The following SAMD3 variants were observed in gnomAD, a reference collection of about 807,000 sequenced individuals.
The protein encoded by SAMD3 is sterile alpha motif domain containing 3, also known as sterile alpha motif domain-containing protein 3.
In SAMD3, 63 loss-of-function variants were observed where a neutral mutation model predicts 58.5. The ratio of observed to expected loss-of-function variants is 1.08; its 90% CI spans 0.88 to 1.33. SAMD3 has a LOEUF of 1.33. Among genes scored for constraint, SAMD3 ranks in the 40% most tolerant of loss-of-function variants. The pLI, the probability that SAMD3 is intolerant of heterozygous loss-of-function variation, is 0.00. For missense variants in SAMD3, 604 were observed against 608.4 expected, an observed-to-expected ratio of 0.99 and a Z score of 0.08; for synonymous variants, 220 against 210.3, an observed-to-expected ratio of 1.05 and a Z score of -0.40.
rs1273245964 is a variant in SAMD3, at chr6:130,144,809, A to G, written c.1279-5T>C. On this transcript the variant is annotated splice_region_variant and splice_polypyrimidine_tract_variant and intron_variant, in intron 11 of 11. Coordinates refer to ENST00000439090, the MANE Select transcript of SAMD3 (RefSeq NM_001017373.4). ...CACAGGTGTGGACACTTGCACCTGAAAAAAAGAGTGGAGTCATTACCATGA... is the reference window on the plus strand; with the variant it reads ...CACAGGTGTGGACACTTGCACCTGAGAAAAAGAGTGGAGTCATTACCATGA... The G allele has an allele frequency of 6.2e-7, 1 of 1,605,370 alleles. No individual in the cohort carries two copies. The highest frequency in any genetic ancestry group is 8.5e-7 in the Non-Finnish European group (1 of 1,176,586).
chr6:130,235,288 A>T (rs1301602029), intron 2 of SAMD3, among the ~76,000 whole-genome samples: 2 of 152,218 alleles, frequency 1.3e-5, no homozygotes, highest in Non-Finnish European at 2.9e-5. Flanking sequence ...TACTCTCATC[A>T]TTCAACTCTA....
intron 2 of SAMD3, among the ~76,000 whole-genome samples, chr6:130,253,638 T>C (rs1773821268): frequency 6.6e-6 from 1 of 152,170 alleles, no homozygotes; most frequent in South Asian, 2.1e-4. Flanking sequence ...GTTATATGTA[T>C]AATTTTATAT....
intron 2 of SAMD3, among the ~76,000 whole-genome samples, chr6:130,261,077 T>C (rs1006572443): frequency 1.7e-4 from 25 of 151,208 alleles, no homozygotes; most frequent in African/African-American, 5.4e-4. Context: ...CATGCCTTTA[T>C]TGGCACTTTG....
At chr6:130,273,245 T>C (rs945177014) in intron 2 of SAMD3, among the ~76,000 whole-genome samples, 24 of 152,266 alleles carry the variant, frequency 1.6e-4, no homozygotes, top group African/African-American at 4.8e-4. Context: ...AGAGACCTTT[T>C]ATCATTATAT....
At chr6:130,243,831 CACAA>C (rs1483683534) in intron 2 of SAMD3, among the ~76,000 whole-genome samples, 4 of 152,118 alleles carry the variant, frequency 2.6e-5, no homozygotes, top group Admixed American at 6.6e-5. Context: ...ATGCACACAC[CACAA>C]ACACATTATG....
chr6:130,289,562 C>T (rs577737602), intron 2 of SAMD3, among the ~76,000 whole-genome samples: 3 of 152,162 alleles, frequency 2.0e-5, no homozygotes, highest in Non-Finnish European at 4.4e-5. Context: ...TGCAGTGGCA[C>T]GATCTCGGCT....
chr6:130,265,770 GA>G (rs34778014), intron 2 of SAMD3, among the ~76,000 whole-genome samples: 5 of 151,388 alleles, frequency 3.3e-5, no homozygotes, highest in African/African-American at 1.2e-4. Flanking sequence ...AGCCAAAACA[GA>G]AAAAAAAGAG....
intron 2 of SAMD3, among the ~76,000 whole-genome samples, chr6:130,304,323 C>A (rs574002438): frequency 4.6e-5 from 7 of 152,140 alleles, no homozygotes; most frequent in African/African-American, 1.7e-4. Context: ...ACACATGCCA[C>A]CATACCCAGC....
intron 1 of SAMD3, among the ~76,000 whole-genome samples, chr6:130,363,393 C>A (rs927950539): frequency 2.6e-5 from 4 of 152,128 alleles, no homozygotes; most frequent in African/African-American, 9.7e-5. Flanking sequence ...ATATGAATTG[C>A]CATCCATCAG....
chr6:130,210,330 G>C (rs962769656), intron 4 of SAMD3, among the ~76,000 whole-genome samples: 8 of 152,184 alleles, frequency 5.3e-5, no homozygotes, highest in Non-Finnish European at 2.9e-5. Context: ...AGGTGTGGTG[G>C]CTCAACATCT....
At position 130,145,880 on chromosome 6, in the gene SAMD3, A is replaced by G. The variant is rs2114539806; in HGVS notation, c.1195+130T>C. ...ATATATTTTAGTAATGTAAATTTTT[A>G]ATTTTTAAATATATTTTTAAAACTC... On this transcript the variant is annotated intron_variant, in intron 10 of 11. Coordinates refer to ENST00000439090, the MANE Select transcript of SAMD3 (RefSeq NM_001017373.4). 1.2e-5 allele frequency: 4 copies of G among 345,852 alleles called. No individual in the cohort carries two copies. In the East Asian group the frequency reaches 2.2e-4, roughly 19 times the overall value. The allele number at this position is 345,852 out of a possible 1,614,324, so 21.4% of individuals were successfully genotyped here.
At chr6:130,162,054 T>G in intron 8 of SAMD3, 1 of 496,720 alleles carries the variant, frequency 2.0e-6, no homozygotes, top group Non-Finnish European at 3.6e-6. Flanking sequence ...ACCTTTGAGA[T>G]GTGTGACTTT....
intron 2 of SAMD3, among the ~76,000 whole-genome samples, chr6:130,264,164 G>A (rs1463469435): frequency 1.3e-5 from 2 of 152,120 alleles, no homozygotes; most frequent in African/African-American, 2.4e-5. Context: ...TCCTCCAGTC[G>A]ACCATGCATA....
intron 5 of SAMD3, among the ~76,000 whole-genome samples, chr6:130,196,038 C>T (rs927192398): frequency 2.0e-5 from 3 of 152,266 alleles, no homozygotes; most frequent in South Asian, 2.1e-4. Flanking sequence ...TGACTCATCC[C>T]AACCCTTTTC....
intron 1 of SAMD3, among the ~76,000 whole-genome samples, chr6:130,321,278 T>C (rs1443866445): frequency 1.3e-5 from 2 of 152,118 alleles, no homozygotes; most frequent in Non-Finnish European, 2.9e-5. Flanking sequence ...CTGATATCTG[T>C]GATCGAGAGC....
At chr6:130,271,693 T>C (rs1433220319) in intron 2 of SAMD3, among the ~76,000 whole-genome samples, 3 of 152,212 alleles carry the variant, frequency 2.0e-5, no homozygotes, top group African/African-American at 7.2e-5. Context: ...GTTTTCACTC[T>C]GCTAATAAAG....
rs764458217 is a variant in SAMD3 at position 130,154,921 on chromosome 6, C to T, written c.927G>A (p.Met309Ile). 3.7e-6 allele frequency: 6 copies of T among 1,613,398 alleles called. No individual in the cohort carries two copies. The highest frequency in any genetic ancestry group is 2.2e-5 in the South Asian group (2 of 91,068). Reference protein sequence around the residue: ...EKDWREIDKRMSQTLEIRRKM... With the variant: ...EKDWREIDKRISQTLEIRRKM... Reference sequence around the variant, plus strand: ...TTCTTCTTATTTCCAAAGTTTGGCTCATTCTCTTGTCAATTTCTCTCCAGT... The same window carrying T: ...TTCTTCTTATTTCCAAAGTTTGGCTTATTCTCTTGTCAATTTCTCTCCAGT... The change falls in exon 9 of 12, where the codon ATG becomes ATA. Residue 309 changes from methionine (M) to isoleucine (I), a missense_variant. Coordinates refer to ENST00000439090, the MANE Select transcript of SAMD3 (RefSeq NM_001017373.4).
chr6:130,174,720 T>C lies in SAMD3; in HGVS notation c.822+1121A>G, dbSNP rs574629443. Among the ~76,000 whole-genome samples the C allele has an allele frequency of 3.0e-4, 45 of 152,342 alleles. 2 individuals carry two copies. In the South Asian group the frequency reaches 8.5e-3, roughly 29 times the overall value. ...TGTAATTGGAATTTTTCAAAGTTTC[T>C]AAAAAGTTTCTTTTAGGGCACCTTT... On this transcript the variant is annotated intron_variant, in intron 8 of 11. Coordinates refer to ENST00000439090, the MANE Select transcript of SAMD3 (RefSeq NM_001017373.4).
Position 130,144,729 on chromosome 6 carries a change from C to A in SAMD3, c.1354G>T (p.Glu452Ter), listed in dbSNP as rs1330730293. 6.2e-7 allele frequency: 1 copy of A among 1,613,928 alleles called. No homozygotes were observed. The highest frequency in any genetic ancestry group is 2.2e-5 in the East Asian group (1 of 44,868). The change falls in exon 12 of 12, where the codon GAA becomes TAA. Residue 452 changes from glutamate (E) to a stop codon, truncating the protein, a stop_gained. Coordinates refer to ENST00000439090, the MANE Select transcript of SAMD3 (RefSeq NM_001017373.4). LOFTEE classifies it high-confidence loss of function. Reference sequence around the variant, plus strand: ...TCCACCTTTGTGAGCCTCTCCCTTTCTAAATATAAAGAAAATTCGCAGACC... The same window carrying A: ...TCCACCTTTGTGAGCCTCTCCCTTTATAAATATAAAGAAAATTCGCAGACC... The part of the protein sequence containing the change: ...MEVCEFSLYL[E>*]RERLTKVDDC...
Sources: allele counts gnomAD v4.1 joint callset (sites outside exome capture counted in the v4.1 genomes callset), GRCh38; gene constraint gnomAD v4.1.1; transcripts MANE v1.5; gene names NCBI Gene and HGNC (gene_info 2026-07-23, HGNC 2026-07-21).